AFG2A: variants seen among roughly 807,000 people sequenced by gnomAD.
AFG2A encodes AAA ATPase AFG2A, also known as ATPase family gene 2 protein homolog A.
the AFG2A span, among the ~76,000 whole-genome samples, chr4:123,183,139 C>A: frequency 6.6e-6 from 1 of 152,148 alleles, no homozygotes; most frequent in South Asian, 2.1e-4. Flanking sequence ...CCAGTCAGTA[C>A]CATGGTTTTT....
the AFG2A span, among the ~76,000 whole-genome samples, chr4:122,993,161 C>T: frequency 6.9e-6 from 1 of 143,944 alleles, no homozygotes; most frequent in Non-Finnish European, 1.5e-5. Flanking sequence ...GATTTTTGTG[C>T]TTTTTTTTTT....
chr4:123,091,982 A>C, the AFG2A span, among the ~76,000 whole-genome samples: 1 of 152,174 alleles, frequency 6.6e-6, no homozygotes, highest in African/African-American at 2.4e-5. Context: ...GAATGTAACT[A>C]TTATGTGGCA....
At chr4:122,934,660 G>T in the AFG2A span, 1 of 1,609,770 alleles carries the variant, frequency 6.2e-7, no homozygotes, top group Non-Finnish European at 8.5e-7. Flanking sequence ...CATGATAGGA[G>T]GATTAAGTAG....
At chr4:123,102,203 T>A in the AFG2A span, 1 of 151,414 alleles carries the variant, frequency 6.6e-6, no homozygotes, top group African/African-American at 2.4e-5. Context: ...TCCCAGACTT[T>A]CTTGTTACTG....
the AFG2A span, among the ~76,000 whole-genome samples, chr4:123,103,792 C>A: frequency 3.0e-4 from 46 of 151,636 alleles, no homozygotes; most frequent in African/African-American, 1.1e-3. Context: ...CATGTCCATA[C>A]AGTGAAATAC....
At chr4:123,268,157 GACA>G in the AFG2A span, among the ~76,000 whole-genome samples, 2 of 149,242 alleles carry the variant, frequency 1.3e-5, no homozygotes, top group African/African-American at 5.1e-5. Flanking sequence ...GCTAAAAATA[GACA>G]GTCTAAAACA....
At chr4:123,166,248 C>T in the AFG2A span, among the ~76,000 whole-genome samples, 1 of 152,146 alleles carries the variant, frequency 6.6e-6, no homozygotes, top group Admixed American at 6.5e-5. Flanking sequence ...ATCTAATCAG[C>T]TTCAGACACA....
chr4:123,198,969 C>T, the AFG2A span, among the ~76,000 whole-genome samples: 1 of 152,254 alleles, frequency 6.6e-6, no homozygotes, highest in African/African-American at 2.4e-5. Context: ...TTAATACTGG[C>T]AGACTTGAGG....
chr4:122,947,542 C>A, the AFG2A span: 14 of 1,371,532 alleles, frequency 1.0e-5, no homozygotes, highest in Non-Finnish European at 1.2e-5. Context: ...CTCCAGTTTA[C>A]TTACATACAA....
the AFG2A span, among the ~76,000 whole-genome samples, chr4:123,015,877 C>T: frequency 1.9e-4 from 8 of 41,668 alleles, no homozygotes; most frequent in African/African-American, 3.0e-4. Flanking sequence ...CCCCACCTCC[C>T]TCCCGGACGG....
chr4:123,028,788 A>C, the AFG2A span, among the ~76,000 whole-genome samples: 7 of 152,196 alleles, frequency 4.6e-5, no homozygotes, highest in East Asian at 1.2e-3. Context: ...TGAACAAGAC[A>C]CTTGTTATGG....
chr4:123,213,646 C>G, the AFG2A span, among the ~76,000 whole-genome samples: 1 of 152,108 alleles, frequency 6.6e-6, no homozygotes, highest in Non-Finnish European at 1.5e-5. Context: ...ATTTTGTACT[C>G]TAATTTTAAA....
the AFG2A span, among the ~76,000 whole-genome samples, chr4:122,928,747 T>C: frequency 6.6e-6 from 1 of 152,230 alleles, no homozygotes; most frequent in Non-Finnish European, 1.5e-5. Flanking sequence ...TTTATCTTTT[T>C]TCATATATTT....
the AFG2A span, among the ~76,000 whole-genome samples, chr4:123,229,251 G>A: frequency 1.1e-4 from 17 of 151,988 alleles, no homozygotes; most frequent in African/African-American, 4.1e-4. Flanking sequence ...GCTTCCCTGA[G>A]TTATTGATTT....
chr4:123,170,231 T>G, the AFG2A span, among the ~76,000 whole-genome samples: 1 of 152,204 alleles, frequency 6.6e-6, no homozygotes, highest in Non-Finnish European at 1.5e-5. Flanking sequence ...AACTAGTAAG[T>G]CTTCTGGCAT....
chr4:123,090,760 T>G, the AFG2A span: 1 of 1,579,180 alleles, frequency 6.3e-7, no homozygotes, highest in African/African-American at 1.4e-5. Context: ...TTGTTTGATT[T>G]TATCAGGTTT....
the AFG2A span, among the ~76,000 whole-genome samples, chr4:122,936,664 G>A: frequency 1.3e-5 from 2 of 152,124 alleles, no homozygotes; most frequent in Non-Finnish European, 2.9e-5. Context: ...GGGCAACATA[G>A]TGGGACCCTG....
chr4:123,141,147 A>T, the AFG2A span, among the ~76,000 whole-genome samples: 1 of 152,248 alleles, frequency 6.6e-6, no homozygotes, highest in Admixed American at 6.5e-5. Flanking sequence ...TAGAAAAGAC[A>T]TGATTTTAAA....
At chr4:123,086,527 G>A in the AFG2A span, among the ~76,000 whole-genome samples, 3,252 of 152,178 alleles carry the variant, frequency 0.021, 64 homozygotes, top group Non-Finnish European at 0.035. Context: ...ATTCTGCTCA[G>A]TGTTCACTGG....
Sources: allele counts gnomAD v4.1 joint callset (sites outside exome capture counted in the v4.1 genomes callset), GRCh38; gene constraint gnomAD v4.1.1; transcripts MANE v1.5; gene names NCBI Gene and HGNC (gene_info 2026-07-23, HGNC 2026-07-21).